Variants in ANXA10 observed in about 807,000 individuals in gnomAD.
ANXA10 encodes annexin 14.
Under a neutral mutation model 53.5 loss-of-function variants are expected in ANXA10, and 49 were observed. The observed-to-expected ratio is 0.92, with a 90% CI of 0.73 to 1.16. The LOEUF (loss-of-function observed/expected upper bound fraction) is 1.16, where lower values mean the gene tolerates loss of function less well. Ranked by LOEUF, ANXA10 falls within the 50% of genes most tolerant of loss-of-function variation. The probability of loss-of-function intolerance (pLI) is 0.00; values close to 1 mark genes in which losing one functional copy is unlikely to be tolerated. For synonymous variants in ANXA10, 131 were observed against 128.9 expected, an observed-to-expected ratio of 1.02 and a Z score of -0.11; for missense variants, 393 against 394.4, an observed-to-expected ratio of 1.00 and a Z score of 0.03.
At chr4:168,096,926 A>ATATATGTATGTATATATATATATATATG (rs371811709) in intron 1 of ANXA10, among the ~76,000 whole-genome samples, 1 of 129,916 alleles carries the variant, frequency 7.7e-6, no homozygotes, top group Non-Finnish European at 1.6e-5. Flanking sequence ...ATATATATAT[A>ATATATGTATGTATATATATATATATATG]TATGTATGTA....
intron 6 of ANXA10, among the ~76,000 whole-genome samples, chr4:168,173,667 G>A (rs1243012467): frequency 6.6e-6 from 1 of 152,126 alleles, no homozygotes; most frequent in African/African-American, 2.4e-5. Flanking sequence ...TAGGCAGACA[G>A]GGATGGTAAA....
chr4:168,184,518 A>G, intron 10 of ANXA10, 41 bp from the exon 11 acceptor site: 2 of 1,610,078 alleles, frequency 1.2e-6, no homozygotes, highest in Non-Finnish European at 8.5e-7. Context: ...GACTTTTAGG[A>G]TGCTGTCTTC....
chr4:168,121,746 A>G (rs563748292), intron 1 of ANXA10, among the ~76,000 whole-genome samples: 2 of 151,798 alleles, frequency 1.3e-5, no homozygotes, highest in Non-Finnish European at 2.9e-5. Context: ...TATACTCTCA[A>G]TTTTTTTCAT....
At chr4:168,148,870 C>T (rs965618397) in intron 3 of ANXA10, among the ~76,000 whole-genome samples, 6 of 151,572 alleles carry the variant, frequency 4.0e-5, no homozygotes, top group African/African-American at 1.5e-4. Flanking sequence ...TTTATTATTT[C>T]CTCATTGTTA....
At chr4:168,168,450 A>G (rs1415632327) in intron 6 of ANXA10, among the ~76,000 whole-genome samples, 1 of 151,702 alleles carries the variant, frequency 6.6e-6, no homozygotes, top group African/African-American at 2.4e-5. Flanking sequence ...ACGGAGTTTC[A>G]CTCTTGTCAC....
intron 1 of ANXA10, among the ~76,000 whole-genome samples, chr4:168,106,846 T>C (rs577105867): frequency 3.9e-5 from 6 of 152,330 alleles, no homozygotes; most frequent in African/African-American, 1.4e-4. Flanking sequence ...TGTCACTTAC[T>C]TGATAGATGT....
intron 3 of ANXA10, among the ~76,000 whole-genome samples, chr4:168,151,730 GTT>G (rs1686591710): frequency 6.6e-6 from 1 of 152,166 alleles, no homozygotes; most frequent in Non-Finnish European, 1.5e-5. Context: ...ATTTAAACAT[GTT>G]ATTCGATATT....
At chr4:168,175,718 A>G (rs993861817) in intron 6 of ANXA10, among the ~76,000 whole-genome samples, 1 of 152,246 alleles carries the variant, frequency 6.6e-6, no homozygotes, top group African/African-American at 2.4e-5. Context: ...TTTTAAGCAA[A>G]GGAAATTGAG....
intron 10 of ANXA10, 104 bp from the exon 11 acceptor site, chr4:168,184,455 A>C (rs1459163329): frequency 1.5e-6 from 2 of 1,369,386 alleles, no homozygotes; most frequent in African/African-American, 2.9e-5. Context: ...GGAAGAACTC[A>C]GGAAGAAGAG....
intron 11 of ANXA10, among the ~76,000 whole-genome samples, chr4:168,185,607 A>G (rs574562147): frequency 4.5e-4 from 69 of 152,356 alleles, no homozygotes; most frequent in Admixed American, 4.2e-3. Flanking sequence ...CAGAATATAT[A>G]GGACCATTTA....
At chr4:168,133,695 A>G (rs1229905979) in intron 2 of ANXA10, among the ~76,000 whole-genome samples, 1 of 152,134 alleles carries the variant, frequency 6.6e-6, no homozygotes, top group Non-Finnish European at 1.5e-5. Flanking sequence ...TTGACAAAAA[A>G]TATTGTAACC....
intron 3 of ANXA10, among the ~76,000 whole-genome samples, chr4:168,160,019 T>C (rs1362134070): frequency 3.3e-5 from 5 of 152,150 alleles, no homozygotes; most frequent in Admixed American, 6.6e-5. Context: ...TTGGTAACCC[T>C]ACAGAAAATA....
intron 1 of ANXA10, among the ~76,000 whole-genome samples, chr4:168,102,978 C>T (rs907924388): frequency 3.3e-5 from 5 of 151,930 alleles, no homozygotes; most frequent in South Asian, 2.1e-4. Flanking sequence ...TTTACTATAC[C>T]GTCATTGTGA....
chr4:168,121,764 G>A (rs1300655815), intron 1 of ANXA10, among the ~76,000 whole-genome samples: 8 of 151,968 alleles, frequency 5.3e-5, no homozygotes, highest in Non-Finnish European at 8.8e-5. Flanking sequence ...CATTGAACAT[G>A]TTCTTTTCAC....
At chr4:168,143,728 C>A (rs141097029) in intron 3 of ANXA10, among the ~76,000 whole-genome samples, 1 of 152,238 alleles carries the variant, frequency 6.6e-6, no homozygotes, top group Non-Finnish European at 1.5e-5. Context: ...AGGGACTATC[C>A]GGTCTAAAAT....
chr4:168,163,748 T>C (rs113853343), intron 4 of ANXA10, among the ~76,000 whole-genome samples: 1 of 152,094 alleles, frequency 6.6e-6, no homozygotes, highest in East Asian at 1.9e-4. Flanking sequence ...TTATGCAAAT[T>C]GTACAAAATT....
intron 6 of ANXA10, among the ~76,000 whole-genome samples, chr4:168,177,314 T>C (rs1488879839): frequency 6.6e-6 from 1 of 152,174 alleles, no homozygotes; most frequent in Non-Finnish European, 1.5e-5. Context: ...CTGAGCTTCA[T>C]TACTATTTTG....
At chr4:168,187,119 T>A (rs922866133) in intron 11 of ANXA10, among the ~76,000 whole-genome samples, 1 of 152,144 alleles carries the variant, frequency 6.6e-6, no homozygotes, top group Admixed American at 6.5e-5. Flanking sequence ...TTCTTATAAA[T>A]ACACATTCAG....
intron 3 of ANXA10, among the ~76,000 whole-genome samples, chr4:168,145,562 G>A (rs1263913983): frequency 2.0e-5 from 3 of 152,090 alleles, no homozygotes; most frequent in East Asian, 1.9e-4. Flanking sequence ...GAATTGCCTC[G>A]GTTGTAAGTT....
Sources: allele counts gnomAD v4.1 joint callset (sites outside exome capture counted in the v4.1 genomes callset), GRCh38; gene constraint gnomAD v4.1.1; transcripts MANE v1.5; gene names NCBI Gene and HGNC (gene_info 2026-07-23, HGNC 2026-07-21).